The following DOK6 variants were observed in gnomAD, a reference collection of about 807,000 sequenced individuals.
The protein encoded by DOK6 is downstream of tyrosine kinase 6.
Under a neutral mutation model 44.0 loss-of-function variants are expected in DOK6, and 22 were observed. The observed-to-expected ratio is 0.50, with a 90% CI of 0.36 to 0.71. DOK6 has a LOEUF of 0.71. Among genes scored for constraint, DOK6 ranks in the 30% least tolerant of loss-of-function variants. The pLI, the probability that DOK6 is intolerant of heterozygous loss-of-function variation, is 0.00. For synonymous variants in DOK6, 166 were observed against 145.5 expected (o/e 1.14, Z -1.01); for missense variants, 340 against 416.4 (o/e 0.82, Z 1.60).
intron 3 of DOK6, among the ~76,000 whole-genome samples, chr18:69,666,800 CT>C (rs1985670507): frequency 6.6e-6 from 1 of 152,200 alleles, no homozygotes; most frequent in African/African-American, 2.4e-5. Context: ...CCTGGGTCAC[CT>C]TTGGCAAAAG....
At chr18:69,824,776 G>A (rs1480421179) in intron 7 of DOK6, among the ~76,000 whole-genome samples, 1 of 152,194 alleles carries the variant, frequency 6.6e-6, no homozygotes, top group African/African-American at 2.4e-5. Flanking sequence ...ATTTATTAAA[G>A]GAGATTGGTA....
At position 69,610,002 on chromosome 18, in the gene DOK6, A is replaced by G. The variant is rs568231780; in HGVS notation, c.289+10504A>G. ...TTGTAAACCCAAAGAATGAAATAGT[A>G]GTTACCAGAAGGTAGGGGCTAACCA... On this transcript the variant is annotated intron_variant, in intron 3 of 7. Transcript: ENST00000382713. Among the ~76,000 whole-genome samples the G allele has an allele frequency of 3.3e-5, 5 of 152,318 alleles. No individual in the cohort carries two copies. In the South Asian group the frequency reaches 1.0e-3, roughly 32 times the overall value.
At chr18:69,587,577 A>G (rs1237055721) in intron 2 of DOK6, among the ~76,000 whole-genome samples, 1 of 152,178 alleles carries the variant, frequency 6.6e-6, no homozygotes, top group Non-Finnish European at 1.5e-5. Flanking sequence ...CCCGCTGTGC[A>G]ACCCATTACA....
Position 69,788,952 on chromosome 18 carries a change from C to T in DOK6, c.856+31079C>T, listed in dbSNP as rs1980513011. ...CATTAAAATACAATAGTGTATATGA[C>T]TTCAACTCGTCTTAACAAGGTTGGT... On this transcript the variant is annotated intron_variant, in intron 7 of 7. Coordinates refer to ENST00000382713, the MANE Select transcript of DOK6 (RefSeq NM_152721.6). Among the ~76,000 whole-genome samples, 3 of 152,174 alleles carry T rather than the reference C, an allele frequency of 2.0e-5. No homozygotes were observed. The South Asian group carries it at 6.2e-4, about 31-fold the overall frequency.
intron 7 of DOK6, among the ~76,000 whole-genome samples, chr18:69,809,442 C>T (rs1036519499): frequency 2.7e-4 from 41 of 151,054 alleles, no homozygotes; most frequent in Admixed American, 2.7e-3. Context: ...AAAAGCCTAG[C>T]CAAAATAAGC....
chr18:69,519,388 A>G (rs757417897), intron 1 of DOK6, among the ~76,000 whole-genome samples: 1 of 151,932 alleles, frequency 6.6e-6, no homozygotes, highest in East Asian at 1.9e-4. Context: ...GCAGCAGAAG[A>G]CAATAAGTCA....
chr18:69,519,047 C>T (rs1235389182), intron 1 of DOK6, among the ~76,000 whole-genome samples: 2 of 151,964 alleles, frequency 1.3e-5, no homozygotes, highest in African/African-American at 4.8e-5. Flanking sequence ...AAGAAAATTA[C>T]CAACAGCATA....
At chr18:69,688,077 T>A (rs1436236732) in intron 4 of DOK6, among the ~76,000 whole-genome samples, 1 of 151,996 alleles carries the variant, frequency 6.6e-6, no homozygotes, top group African/African-American at 2.4e-5. Context: ...AATTAAATAT[T>A]AAAATACCTT....
intron 3 of DOK6, among the ~76,000 whole-genome samples, chr18:69,610,914 G>A (rs928100508): frequency 1.3e-5 from 2 of 151,976 alleles, no homozygotes; most frequent in Non-Finnish European, 2.9e-5. Context: ...CCCTACGTAT[G>A]GATATTTAGG....
chr18:69,819,093 C>A (rs1478863439), intron 7 of DOK6, among the ~76,000 whole-genome samples: 1 of 152,194 alleles, frequency 6.6e-6, no homozygotes, highest in Non-Finnish European at 1.5e-5. Context: ...GGAATATCCT[C>A]ACAAGTACAC....
At chr18:69,403,537 A>G (rs926558052) in intron 1 of DOK6, among the ~76,000 whole-genome samples, 1 of 152,228 alleles carries the variant, frequency 6.6e-6, no homozygotes, top group African/African-American at 2.4e-5. Flanking sequence ...TATAAAAGTT[A>G]ATTGCTTTTG....
At chr18:69,461,553 A>G (rs974431159) in intron 1 of DOK6, among the ~76,000 whole-genome samples, 3 of 152,136 alleles carry the variant, frequency 2.0e-5, no homozygotes, top group Non-Finnish European at 4.4e-5. Context: ...TCTCTGAATC[A>G]TATCACCTCT....
intron 1 of DOK6, among the ~76,000 whole-genome samples, chr18:69,517,823 G>A (rs768824814): frequency 4.0e-5 from 6 of 151,642 alleles, no homozygotes; most frequent in Non-Finnish European, 8.8e-5. Flanking sequence ...TCATGGAATA[G>A]CATTTATTAT....
At chr18:69,639,670 C>T (rs975899316) in intron 3 of DOK6, among the ~76,000 whole-genome samples, 4 of 151,880 alleles carry the variant, frequency 2.6e-5, no homozygotes. Context: ...AAAAGCATGG[C>T]ATCGAATTGT....
At chr18:69,743,558 T>C (rs983277234) in intron 6 of DOK6, among the ~76,000 whole-genome samples, 2 of 152,194 alleles carry the variant, frequency 1.3e-5, no homozygotes, top group Non-Finnish European at 2.9e-5. Context: ...TGCACACACA[T>C]GCACATTAAA....
Position 69,756,045 on chromosome 18 carries a change from T to TG in DOK6, c.739-1709dup, listed in dbSNP as rs558613384. On this transcript the variant is annotated intron_variant, in intron 6 of 7. Transcript: ENST00000382713. ...TTTTTCCAGTGCACATGTGGGCCCTTGGTCTGAGCCACCCCAATTCATTTC... is the reference window on the plus strand; with the variant it reads ...TTTTTCCAGTGCACATGTGGGCCCTTGGGTCTGAGCCACCCCAATTCATTTC... Among the ~76,000 whole-genome samples, 225 of 152,290 alleles carry TG rather than the reference T, an allele frequency of 1.5e-3. 1 individual carries two copies. The highest frequency in any genetic ancestry group is 2.5e-3 in the Non-Finnish European group (173 of 68,028).
At chr18:69,768,779 G>A (rs1979795869) in intron 7 of DOK6, among the ~76,000 whole-genome samples, 1 of 151,750 alleles carries the variant, frequency 6.6e-6, no homozygotes, top group Non-Finnish European at 1.5e-5. Flanking sequence ...GCACAGTGGT[G>A]GGCAGGTGTG....
intron 3 of DOK6, among the ~76,000 whole-genome samples, chr18:69,603,292 C>T (rs909416421): frequency 2.0e-5 from 3 of 152,166 alleles, no homozygotes; most frequent in African/African-American, 7.2e-5. Flanking sequence ...CCTTTTGACA[C>T]TGATTTCATA....
At chr18:69,611,547 C>T (rs369070388) in intron 3 of DOK6, among the ~76,000 whole-genome samples, 1 of 151,178 alleles carries the variant, frequency 6.6e-6, no homozygotes, top group African/African-American at 2.4e-5. Context: ...TTTATACTAG[C>T]TTTATTTGTA....
Sources: allele counts gnomAD v4.1 joint callset (sites outside exome capture counted in the v4.1 genomes callset), GRCh38; gene constraint gnomAD v4.1.1; transcripts MANE v1.5; gene names NCBI Gene and HGNC (gene_info 2026-07-23, HGNC 2026-07-21).